The following RAB3IL1 variants were observed in gnomAD, a reference collection of about 807,000 sequenced individuals.
The protein encoded by RAB3IL1 is RAB3A interacting protein like 1.
Under a neutral mutation model 49.2 loss-of-function variants are expected in RAB3IL1, and 37 were observed. That is an observed-to-expected ratio of 0.75 (90% CI 0.58 to 0.99). The LOEUF is 0.99. Among genes scored for constraint, RAB3IL1 ranks in the 50% least tolerant of loss-of-function variants. The probability of loss-of-function intolerance (pLI) is 0.00; values close to 1 mark genes in which losing one functional copy is unlikely to be tolerated. For missense variants in RAB3IL1, 484 were observed against 513.0 expected, an observed-to-expected ratio of 0.94 and a Z score of 0.55; for synonymous variants, 193 against 213.9, an observed-to-expected ratio of 0.90 and a Z score of 0.85.
chr11:61,914,659 C>T (rs1159815710), intron 1 of RAB3IL1, among the ~76,000 whole-genome samples: 6 of 152,116 alleles, frequency 3.9e-5, no homozygotes, highest in African/African-American at 1.2e-4. Context: ...AGGACCCACC[C>T]AGGCTGTGGC....
At chr11:61,926,952 G>A in the RAB3IL1 span, among the ~76,000 whole-genome samples, 1 of 152,118 alleles carries the variant, frequency 6.6e-6, no homozygotes, top group Admixed American at 6.6e-5. Flanking sequence ...CCAGGTTCAA[G>A]CGATTCTCCT....
the RAB3IL1 span, among the ~76,000 whole-genome samples, chr11:61,946,257 C>T: frequency 6.6e-5 from 10 of 152,336 alleles, no homozygotes; most frequent in South Asian, 2.1e-3. Context: ...GGCCCCCTGC[C>T]TACTGCCCCC....
rs200992595 is a variant in RAB3IL1 at position 61,907,512 on chromosome 11, C to T, written c.361-42G>A. 4.9e-5 allele frequency: 79 copies of T among 1,613,806 alleles called. No homozygotes were observed. The East Asian group carries it at 5.8e-4, about 12-fold the overall frequency. ...CCCTGCGTGAGTGGTGAGGAGCCAA[C>T]GGACGCCCAGATGACCCATTCCCCA... On this transcript the variant is annotated intron_variant, in intron 3 of 9. Coordinates refer to ENST00000394836, the MANE Select transcript of RAB3IL1 (RefSeq NM_013401.4).
At chr11:61,924,143 G>A (rs772804268), upstream of RAB3IL1, among the ~76,000 whole-genome samples, 13 of 152,154 alleles carry the variant, frequency 8.5e-5, no homozygotes, top group Non-Finnish European at 1.6e-4. Context: ...ATTTTTTAGG[G>A]AGGGCAGTTG....
intron 9 of RAB3IL1, chr11:61,899,041 C>A: frequency 3.6e-6 from 2 of 554,086 alleles, no homozygotes. Flanking sequence ...GGGGCCACCA[C>A]CTCCAGGGCC....
intron 7 of RAB3IL1, 30 bp from the exon 8 acceptor site, chr11:61,902,571 C>CAAGCCCCAGCCAGCCCCCG: frequency 6.4e-7 from 1 of 1,554,540 alleles, no homozygotes; most frequent in Non-Finnish European, 8.7e-7. Flanking sequence ...GTCACGGGGG[C>CAAGCCCCAGCCAGCCCCCG]TGGCTGGGGC....
intron 8 of RAB3IL1, among the ~76,000 whole-genome samples, chr11:61,900,017 C>T (rs912825121): frequency 9.9e-5 from 15 of 152,186 alleles, no homozygotes; most frequent in Non-Finnish European, 1.6e-4. Flanking sequence ...TTCCCAGGCC[C>T]GGGCCCCATC....
the RAB3IL1 span, among the ~76,000 whole-genome samples, chr11:61,941,910 A>G: frequency 6.6e-6 from 1 of 152,148 alleles, no homozygotes; most frequent in South Asian, 2.1e-4. Context: ...GTAGTTGAAC[A>G]TATGAAAATC....
intron 8 of RAB3IL1, among the ~76,000 whole-genome samples, chr11:61,901,591 C>A (rs1299174524): frequency 6.6e-6 from 1 of 152,228 alleles, no homozygotes; most frequent in Non-Finnish European, 1.5e-5. Flanking sequence ...TGCATCTCAG[C>A]CGACTGGAGA....
In RAB3IL1 at chr11:61,907,665, A is replaced by T. The variant is rs1478570833; in HGVS notation, c.265-5T>A. 2 of 1,613,480 alleles carry T rather than the reference A, an allele frequency of 1.2e-6. No homozygotes were observed. Among genetic ancestry groups the T allele is most frequent in the African/African-American group, 2.7e-5 (2 of 74,812 alleles). ...CTCGTCCTTTAGCTTCAGCTCCTGG[A>T]GGAAAAGAGGCAGGCACTTGAGCAC... is the stretch of plus-strand genomic sequence containing the variant. On this transcript the variant is annotated splice_region_variant and splice_polypyrimidine_tract_variant and intron_variant, in intron 2 of 9. Transcript: ENST00000394836.
the RAB3IL1 span, among the ~76,000 whole-genome samples, chr11:61,929,461 C>T: frequency 1.3e-5 from 2 of 151,732 alleles, no homozygotes; most frequent in African/African-American, 2.4e-5. Context: ...CTGCCGAGAT[C>T]GCACCACTAC....
intron 3 of RAB3IL1, 22 bp downstream of exon 3, chr11:61,907,543 T>C (rs1939255417): frequency 1.9e-6 from 3 of 1,613,756 alleles, no homozygotes; most frequent in Non-Finnish European, 1.7e-6. Context: ...CCCCAAGTTG[T>C]TCCCGCGCCC....
At chr11:61,922,483 T>A (rs1409447131), upstream of RAB3IL1, among the ~76,000 whole-genome samples, 7 of 151,226 alleles carry the variant, frequency 4.6e-5, no homozygotes, top group Non-Finnish European at 8.8e-5. Context: ...GATCCCACCA[T>A]TGCACTCCAG....
At chr11:61,936,376 G>A in the RAB3IL1 span, among the ~76,000 whole-genome samples, 25 of 152,322 alleles carry the variant, frequency 1.6e-4, no homozygotes, top group Admixed American at 1.6e-3. Context: ...ACTATTGAAA[G>A]ACAAAGATAA....
Position 61,899,023 on chromosome 11 carries a change from C to T in RAB3IL1, c.1066+291G>A, listed in dbSNP as rs1035768779. On this transcript the variant is annotated intron_variant, in intron 9 of 9. Coordinates refer to ENST00000394836, the MANE Select transcript of RAB3IL1 (RefSeq NM_013401.4). Reference sequence around the variant, plus strand: ...GTGGGTGACCCTGTGTTCAGGTGACCAGGAGGAGGGGCCACCACCTCCAGG... The same window carrying T: ...GTGGGTGACCCTGTGTTCAGGTGACTAGGAGGAGGGGCCACCACCTCCAGG... The T allele has an allele frequency of 7.4e-6, 4 of 539,646 alleles. No homozygotes were observed. The African/African-American group carries it at 7.5e-5, about 10-fold the overall frequency. 33.4% of individuals were successfully genotyped at this position (539,646 alleles called of 1,614,324 possible).
In RAB3IL1 at chr11:61,898,292, G is replaced by C; in HGVS notation, c.1135C>G (p.Pro379Ala). Residue 379 changes from proline to alanine, a missense_variant, in exon 10 of 10, where the codon CCC becomes GCC. Coordinates refer to ENST00000394836, the MANE Select transcript of RAB3IL1 (RefSeq NM_013401.4). This position sits in a 1 kb window ranked among gnomAD's most constrained non-coding sequence, Gnocchi z 5.1. ...TGGGCCGCGCCCTAAGCCTCCTGGG[G>C]GAAGAAGCCGAGCTTGGCCAGTGAC... ...EMSLAKLGFF[P>A]QEA 6.2e-7 allele frequency: 1 copy of C among 1,613,292 alleles called. No individual in the cohort carries two copies. The highest frequency in any genetic ancestry group is 8.5e-7 in the Non-Finnish European group (1 of 1,179,972).
rs1938719449 is a variant in RAB3IL1, at chr11:61,898,376, G to A, written c.1067-16C>T. On this transcript the variant is annotated splice_polypyrimidine_tract_variant and intron_variant, in intron 9 of 9. Transcript: ENST00000394836. This position sits in a 1 kb window ranked among gnomAD's most constrained non-coding sequence, Gnocchi z 5.1. Reference sequence around the variant, plus strand: ...ATGGGCTCTGCTGCAGGCAGAGAGAGGGTGAACAGGTCGGGGACAGCTCAG... The same window carrying A: ...ATGGGCTCTGCTGCAGGCAGAGAGAAGGTGAACAGGTCGGGGACAGCTCAG... 6.2e-7 allele frequency: 1 copy of A among 1,611,546 alleles called. No individual in the cohort carries two copies. Among genetic ancestry groups the A allele is most frequent in the South Asian group, 1.1e-5 (1 of 91,062 alleles).
At chr11:61,902,182 C>T (rs762654801) in intron 8 of RAB3IL1, among the ~76,000 whole-genome samples, 1 of 152,220 alleles carries the variant, frequency 6.6e-6, no homozygotes, top group Non-Finnish European at 1.5e-5. Flanking sequence ...GGCGTGGTGG[C>T]ACATGCCTGT....
At chr11:61,936,376 G>C in the RAB3IL1 span, among the ~76,000 whole-genome samples, 1 of 152,322 alleles carries the variant, frequency 6.6e-6, no homozygotes, top group South Asian at 2.1e-4. Context: ...ACTATTGAAA[G>C]ACAAAGATAA....
Sources: gnomAD v4.1 joint callset for allele counts (sites outside exome capture counted in the v4.1 genomes callset) on GRCh38, gnomAD v4.1.1 for gene constraint, Gnocchi (gnomAD v3.1) non-coding constraint, MANE v1.5 for transcripts, NCBI Gene and HGNC (gene_info 2026-07-23, HGNC 2026-07-21) for gene names.